Variants in EFCAB6 observed in about 807,000 individuals in gnomAD.
The protein encoded by EFCAB6 is EF-hand calcium binding domain 6.
A neutral mutation model predicts 169.8 loss-of-function variants in EFCAB6; 156 were observed. The ratio of observed to expected loss-of-function variants is 0.92; its 90% CI spans 0.81 to 1.05. EFCAB6 has a LOEUF of 1.05. EFCAB6 is among the 50% of genes least tolerant of loss of function. The probability of loss-of-function intolerance (pLI) is 0.00; values close to 1 mark genes in which losing one functional copy is unlikely to be tolerated. For missense variants in EFCAB6, 1,800 were observed against 1,829.1 expected, an observed-to-expected ratio of 0.98 and a Z score of 0.29; for synonymous variants, 698 against 676.4, an observed-to-expected ratio of 1.03 and a Z score of -0.50.
intron 16 of EFCAB6, among the ~76,000 whole-genome samples, chr22:43,668,167 C>A (rs2057345107): frequency 6.6e-6 from 1 of 152,170 alleles, no homozygotes; most frequent in South Asian, 2.1e-4. Context: ...ATTAGCATAT[C>A]ATTAAAATAT....
chr22:43,695,048 T>G (rs2058523690), intron 10 of EFCAB6, among the ~76,000 whole-genome samples: 1 of 151,922 alleles, frequency 6.6e-6, no homozygotes. Context: ...GCATACAGAT[T>G]GGGAAGAAAG....
intron 26 of EFCAB6, among the ~76,000 whole-genome samples, chr22:43,568,718 G>T (rs567609106): frequency 6.6e-6 from 1 of 152,280 alleles, no homozygotes; most frequent in South Asian, 2.1e-4. Flanking sequence ...GCCATGGGGT[G>T]TGCTGCATAG....
At chr22:43,538,081 G>A (rs959321470) in intron 28 of EFCAB6, among the ~76,000 whole-genome samples, 2 of 152,176 alleles carry the variant, frequency 1.3e-5, no homozygotes, top group African/African-American at 4.8e-5. Flanking sequence ...CCGTTGACAA[G>A]TGGTTATCTA....
intron 19 of EFCAB6, among the ~76,000 whole-genome samples, chr22:43,629,571 G>A (rs187911106): frequency 6.6e-6 from 1 of 152,326 alleles, no homozygotes; most frequent in East Asian, 1.9e-4. Flanking sequence ...GGTGAATGAT[G>A]TAGAAATGGC....
intron 2 of EFCAB6, among the ~76,000 whole-genome samples, chr22:43,798,766 T>C (rs2062600184): frequency 6.6e-6 from 1 of 152,216 alleles, no homozygotes; most frequent in Admixed American, 6.5e-5. Context: ...AGGTAGACAA[T>C]GCCTGCCTGT....
rs540088364 is a variant in EFCAB6 at position 43,641,785 on chromosome 22, C to T, written c.1984-6569G>A. 1.1e-4 allele frequency among the ~76,000 whole-genome samples: 17 copies of T among 152,210 alleles called. No homozygotes were observed. The South Asian group carries it at 3.1e-3, about 28-fold the overall frequency. Reference sequence around the variant, plus strand: ...ATCTCAGTGTGTGTGCTGGACCAGCCGTGGGATCCTCATCAGTCTTCTCTT... The same window carrying T: ...ATCTCAGTGTGTGTGCTGGACCAGCTGTGGGATCCTCATCAGTCTTCTCTT... On this transcript the variant is annotated intron_variant, in intron 17 of 31. Transcript: ENST00000262726.
At chr22:43,709,483 T>C (rs1323824188) in intron 10 of EFCAB6, among the ~76,000 whole-genome samples, 1 of 152,198 alleles carries the variant, frequency 6.6e-6, no homozygotes, top group African/African-American at 2.4e-5. Flanking sequence ...AATTATAATT[T>C]TGAAGACTAT....
At chr22:43,808,061 C>G (rs981177012) in intron 2 of EFCAB6, among the ~76,000 whole-genome samples, 3 of 152,160 alleles carry the variant, frequency 2.0e-5, no homozygotes, top group Non-Finnish European at 4.4e-5. Context: ...GGTTCCACAT[C>G]CACAGATTCA....
At chr22:43,579,289 G>C (rs1413297011) in intron 25 of EFCAB6, among the ~76,000 whole-genome samples, 1 of 147,946 alleles carries the variant, frequency 6.8e-6, no homozygotes, top group Admixed American at 6.7e-5. Flanking sequence ...CCTATACGCA[G>C]GCATTATTTC....
At chr22:43,546,821 C>G (rs933058626) in intron 27 of EFCAB6, among the ~76,000 whole-genome samples, 1 of 149,918 alleles carries the variant, frequency 6.7e-6, no homozygotes, top group Non-Finnish European at 1.5e-5. Flanking sequence ...TGTGGTGAGA[C>G]GAGATCATGC....
At chr22:43,800,468 A>C (rs1370427196) in intron 2 of EFCAB6, among the ~76,000 whole-genome samples, 1 of 152,248 alleles carries the variant, frequency 6.6e-6, no homozygotes, top group African/African-American at 2.4e-5. Context: ...GATTTCCCCA[A>C]GCAAACAAAG....
chr22:43,632,296 T>TC, intron 18 of EFCAB6, 58 bp from the exon 19 acceptor site: 14 of 578,128 alleles, frequency 2.4e-5, no homozygotes, highest in East Asian at 1.6e-4. Flanking sequence ...CATTCCTTCT[T>TC]TTTTTTTTTT....
intron 12 of EFCAB6, among the ~76,000 whole-genome samples, chr22:43,679,000 A>G (rs941623119): frequency 6.6e-6 from 1 of 152,232 alleles, no homozygotes; most frequent in Admixed American, 6.5e-5. Flanking sequence ...TTTGAGAGTC[A>G]TAATCAATTC....
chr22:43,675,578 TTA>T (rs1257435960), intron 13 of EFCAB6, among the ~76,000 whole-genome samples: 12 of 144,734 alleles, frequency 8.3e-5, no homozygotes, highest in African/African-American at 2.0e-4. Flanking sequence ...TATAGTATAT[TTA>T]TATGATAATT....
chr22:43,752,106 T>C (rs1199087696), intron 6 of EFCAB6, among the ~76,000 whole-genome samples: 1 of 143,566 alleles, frequency 7.0e-6, no homozygotes, highest in Non-Finnish European at 1.5e-5. Flanking sequence ...TCTAACCACT[T>C]CTCCTTTCCA....
At chr22:43,796,471 T>C (rs1455235035) in intron 2 of EFCAB6, among the ~76,000 whole-genome samples, 1 of 152,208 alleles carries the variant, frequency 6.6e-6, no homozygotes, top group Admixed American at 6.5e-5. Context: ...TTATCATGGA[T>C]ATAAAAGTCT....
intron 30 of EFCAB6, among the ~76,000 whole-genome samples, chr22:43,532,430 G>T (rs2047129989): frequency 1.3e-5 from 2 of 152,256 alleles, no homozygotes; most frequent in Admixed American, 1.3e-4. Flanking sequence ...AGAAACTGAG[G>T]CCCAGGGAGG....
chr22:43,793,609 A>T (rs2062391033), intron 2 of EFCAB6, among the ~76,000 whole-genome samples: 1 of 128,970 alleles, frequency 7.8e-6, no homozygotes, highest in Admixed American at 7.5e-5. Context: ...AAAGGAAAGA[A>T]CAAGGCATCC....
intron 17 of EFCAB6, among the ~76,000 whole-genome samples, chr22:43,649,849 G>A (rs935045919): frequency 2.0e-5 from 3 of 152,212 alleles, no homozygotes; most frequent in African/African-American, 4.8e-5. Context: ...TGGGAGCAGG[G>A]CAAGGGGCTC....
Sources: allele counts gnomAD v4.1 joint callset (sites outside exome capture counted in the v4.1 genomes callset), GRCh38; gene constraint gnomAD v4.1.1; transcripts MANE v1.5; gene names NCBI Gene and HGNC (gene_info 2026-07-23, HGNC 2026-07-21).